TRPM3: variants seen among roughly 807,000 people sequenced by gnomAD.
TRPM3 encodes the protein transient receptor potential cation channel subfamily M member 3.
Under a neutral mutation model 181.2 loss-of-function variants are expected in TRPM3, and 77 were observed. That is an observed-to-expected ratio of 0.42 (90% CI 0.35 to 0.51). The LOEUF (loss-of-function observed/expected upper bound fraction) is 0.51, where lower values mean the gene tolerates loss of function less well. TRPM3 is among the 20% of genes least tolerant of loss of function. The pLI is 0.01. For missense variants in TRPM3, 1,759 were observed against 2,196.7 expected, an observed-to-expected ratio of 0.80 and a Z score of 3.98; for synonymous variants, 745 against 796.4, an observed-to-expected ratio of 0.94 and a Z score of 1.09.
intron 1 of TRPM3, among the ~76,000 whole-genome samples, chr9:71,114,967 A>G (rs969288856): frequency 2.0e-5 from 3 of 152,228 alleles, no homozygotes; most frequent in African/African-American, 7.2e-5. Flanking sequence ...CAAACAGAAA[A>G]TAAAAAGAAA....
At chr9:71,045,811 G>A (rs2059368022) in intron 1 of TRPM3, among the ~76,000 whole-genome samples, 1 of 152,144 alleles carries the variant, frequency 6.6e-6, no homozygotes, top group Admixed American at 6.5e-5. Flanking sequence ...TGTAACATTA[G>A]TTCTGATGAA....
At chr9:71,154,078 A>G (rs962481749) in intron 1 of TRPM3, among the ~76,000 whole-genome samples, 25 of 152,134 alleles carry the variant, frequency 1.6e-4, no homozygotes, top group African/African-American at 5.8e-4. Flanking sequence ...AACAACAACA[A>G]CAAAACCTTT....
intron 8 of TRPM3, among the ~76,000 whole-genome samples, chr9:70,755,226 C>T (rs2076850203): frequency 6.6e-6 from 1 of 151,954 alleles, no homozygotes; most frequent in Non-Finnish European, 1.5e-5. Flanking sequence ...GTCAGATTCA[C>T]CAAGGTTGAA....
At chr9:70,886,955 G>T in intron 1 of TRPM3, among the ~76,000 whole-genome samples, 1 of 152,154 alleles carries the variant, frequency 6.6e-6, no homozygotes, top group South Asian at 2.1e-4. Flanking sequence ...GTGAACCACC[G>T]TGCCCGGAGA....
At chr9:70,815,542 A>G (rs1259857082) in intron 6 of TRPM3, among the ~76,000 whole-genome samples, 2 of 152,056 alleles carry the variant, frequency 1.3e-5, no homozygotes, top group Non-Finnish European at 2.9e-5. Flanking sequence ...GCTTTTGCCA[A>G]TTTGATAGGT....
At chr9:71,006,632 G>A (rs1012963660) in intron 1 of TRPM3, among the ~76,000 whole-genome samples, 1 of 152,124 alleles carries the variant, frequency 6.6e-6, no homozygotes, top group African/African-American at 2.4e-5. Flanking sequence ...CACTTTGGGA[G>A]GCCGAGGTGG....
intron 1 of TRPM3, among the ~76,000 whole-genome samples, chr9:71,239,298 T>G (rs982098138): frequency 5.3e-5 from 8 of 152,238 alleles, no homozygotes; most frequent in African/African-American, 1.9e-4. Context: ...TTCCTGCAAT[T>G]TAAATACTTT....
chr9:71,414,346 C>T (rs1170110453), intron 1 of TRPM3, among the ~76,000 whole-genome samples: 1 of 151,888 alleles, frequency 6.6e-6, no homozygotes. Flanking sequence ...TGTCATAATT[C>T]GATGTTGTGA....
At chr9:71,122,494 C>A (rs1241636526), upstream of TRPM3, among the ~76,000 whole-genome samples, 1 of 152,196 alleles carries the variant, frequency 6.6e-6, no homozygotes, top group Non-Finnish European at 1.5e-5. Flanking sequence ...TGGGGAGAAT[C>A]CCCACATCCT....
At chr9:70,664,893 A>AC (rs534724774) in intron 9 of TRPM3, among the ~76,000 whole-genome samples, 179 of 151,346 alleles carry the variant, frequency 1.2e-3, no homozygotes, top group African/African-American at 4.2e-3. Context: ...CAAGTGATCC[A>AC]CCCCCCTCAG....
intron 1 of TRPM3, among the ~76,000 whole-genome samples, chr9:70,916,170 G>C (rs2096592612): frequency 6.6e-6 from 1 of 152,120 alleles, no homozygotes; most frequent in African/African-American, 2.4e-5. Flanking sequence ...ACATGAAGGG[G>C]AAATAAAGAC....
At chr9:71,217,315 C>T (rs2079952640) in intron 1 of TRPM3, among the ~76,000 whole-genome samples, 1 of 152,146 alleles carries the variant, frequency 6.6e-6, no homozygotes, top group East Asian at 1.9e-4. Flanking sequence ...GGTTCATGGT[C>T]ATATTTAGCA....
chr9:71,010,912 GACAC>G (rs59803868), intron 1 of TRPM3, among the ~76,000 whole-genome samples: 24 of 139,408 alleles, frequency 1.7e-4, no homozygotes, highest in Admixed American at 3.0e-4. Flanking sequence ...TAAAGAAAAT[GACAC>G]ACACACACAC....
In TRPM3 at chr9:71,176,098, A is replaced by G. The variant is rs111239798; in HGVS notation, c.183+270555T>C. On this transcript the variant is annotated intron_variant, in intron 1 of 24. Transcript: ENST00000357533. ...CTTGATAAGAAATGATGATGTTACT[A>G]GTGTATGCATATACTGTACTTTTAA... is the stretch of plus-strand genomic sequence containing the variant. Among the ~76,000 whole-genome samples, 1,465 of 152,300 alleles carry G rather than the reference A, an allele frequency of 9.6e-3. 25 individuals are homozygous for G. Among genetic ancestry groups the G allele is most frequent in the African/African-American group, 0.033 (1,374 of 41,562 alleles).
At chr9:71,331,786 G>T (rs2132539001) in intron 1 of TRPM3, among the ~76,000 whole-genome samples, 1 of 93,764 alleles carries the variant, frequency 1.1e-5, no homozygotes, top group East Asian at 2.9e-4. Context: ...AGAGGAGGAA[G>T]AAGAGGAGAG....
chr9:71,175,225 G>T (rs2077047241), intron 1 of TRPM3, among the ~76,000 whole-genome samples: 2 of 152,216 alleles, frequency 1.3e-5, no homozygotes, highest in Non-Finnish European at 2.9e-5. Context: ...GCTTATGGTT[G>T]CATGAAAGAG....
chr9:71,304,776 T>C (rs1453130422), intron 1 of TRPM3, among the ~76,000 whole-genome samples: 3 of 152,182 alleles, frequency 2.0e-5, no homozygotes, highest in Non-Finnish European at 2.9e-5. Flanking sequence ...ACAAGAGTAA[T>C]GGAGACATCA....
intron 18 of TRPM3, among the ~76,000 whole-genome samples, chr9:70,611,680 T>G (rs974268156): frequency 4.6e-5 from 7 of 152,230 alleles, no homozygotes; most frequent in Non-Finnish European, 1.0e-4. Flanking sequence ...CTTGGTTCCC[T>G]AATTTTAAAC....
intron 9 of TRPM3, among the ~76,000 whole-genome samples, chr9:70,650,455 T>C (rs1007219869): frequency 4.6e-5 from 7 of 152,256 alleles, no homozygotes; most frequent in African/African-American, 1.2e-4. Context: ...TTCTGGGCAT[T>C]GATGATTGTG....
Sources: allele counts gnomAD v4.1 joint callset (sites outside exome capture counted in the v4.1 genomes callset), GRCh38; gene constraint gnomAD v4.1.1; transcripts MANE v1.5; gene names NCBI Gene and HGNC (gene_info 2026-07-23, HGNC 2026-07-21).